The following AGTPBP1 variants were observed in gnomAD, a reference collection of about 807,000 sequenced individuals.
AGTPBP1 encodes ATP/GTP binding carboxypeptidase 1.
In AGTPBP1, 70 loss-of-function variants were observed where a neutral mutation model predicts 143.9. That is an observed-to-expected ratio of 0.49 (90% CI 0.40 to 0.59). AGTPBP1 has a LOEUF of 0.59. AGTPBP1 is among the 20% of genes least tolerant of loss of function. The pLI is 0.00. For synonymous variants in AGTPBP1, 463 were observed against 500.2 expected (o/e 0.93, Z 0.99); for missense variants, 1,229 against 1,464.5 (o/e 0.84, Z 2.62).
At chr9:85,795,991 A>C in the AGTPBP1 span, among the ~76,000 whole-genome samples, 2 of 151,374 alleles carry the variant, frequency 1.3e-5, no homozygotes, top group African/African-American at 4.9e-5. Flanking sequence ...GCTTGAATTA[A>C]ATTAGAGGAG....
rs1377182790 is a variant in AGTPBP1, at chr9:85,613,622, CT to C, written c.2335+5360del. Reference sequence around the variant, plus strand: ...CTCTGAAAAAGTCCAAAAGCACCCCCTCTCACCCAATTAAAGGGTACAGAAT... The same window carrying C: ...CTCTGAAAAAGTCCAAAAGCACCCCCCTCACCCAATTAAAGGGTACAGAAT... On this transcript the variant is annotated intron_variant, in intron 17 of 25. Transcript: ENST00000357081. 2.0e-5 allele frequency among the ~76,000 whole-genome samples: 3 copies of C among 152,026 alleles called. No individual in the cohort carries two copies. In the East Asian group the frequency reaches 5.8e-4, roughly 29 times the overall value.
At chr9:85,605,755 TTAAAGTA>T (rs947141008) in intron 17 of AGTPBP1, among the ~76,000 whole-genome samples, 5 of 151,996 alleles carry the variant, frequency 3.3e-5, no homozygotes, top group African/African-American at 1.2e-4. Context: ...AGGGATCAAA[TTAAAGTA>T]TAGAGTTTTT....
chr9:85,577,101 T>C (rs560822568), intron 24 of AGTPBP1, among the ~76,000 whole-genome samples: 3 of 152,226 alleles, frequency 2.0e-5, no homozygotes, highest in South Asian at 2.1e-4. Flanking sequence ...TTTATCAAAA[T>C]AGAAATCGAA....
the AGTPBP1 span, among the ~76,000 whole-genome samples, chr9:85,763,635 A>T: frequency 2.8e-3 from 433 of 152,002 alleles, no homozygotes; most frequent in Non-Finnish European, 3.3e-3. Context: ...ATGGAGGAGG[A>T]TGGGAAGTAG....
At chr9:85,660,309 C>A (rs1357766101) in intron 9 of AGTPBP1, among the ~76,000 whole-genome samples, 1 of 151,596 alleles carries the variant, frequency 6.6e-6, no homozygotes, top group Non-Finnish European at 1.5e-5. Context: ...CCCCTGAAGC[C>A]CCCCAAAAAA....
At chr9:85,643,860 T>C (rs376348989) in intron 12 of AGTPBP1, among the ~76,000 whole-genome samples, 2 of 152,302 alleles carry the variant, frequency 1.3e-5, no homozygotes, top group South Asian at 4.1e-4. Flanking sequence ...AAACTAATTA[T>C]TATCTTTGTT....
At chr9:85,776,543 C>A in the AGTPBP1 span, among the ~76,000 whole-genome samples, 2 of 152,178 alleles carry the variant, frequency 1.3e-5, 1 homozygote, top group South Asian at 4.1e-4. Flanking sequence ...CTAAGCGACA[C>A]CCTAATGGAT....
chr9:85,592,750 A>G lies in AGTPBP1; in HGVS notation c.2424-46T>C, dbSNP rs766597654. ...ACATGTTCATTTCATCCACATGAAAACTGATTTTCCTTGTTACTTTTATTA... is the reference window on the plus strand; with the variant it reads ...ACATGTTCATTTCATCCACATGAAAGCTGATTTTCCTTGTTACTTTTATTA... On this transcript the variant is annotated intron_variant, in intron 18 of 25. Coordinates refer to ENST00000357081, the MANE Select transcript of AGTPBP1 (RefSeq NM_001330701.2). 4 of 1,581,984 alleles carry G rather than the reference A, an allele frequency of 2.5e-6. No homozygotes were observed. The Admixed American group carries it at 7.6e-5, about 30-fold the overall frequency.
intron 14 of AGTPBP1, among the ~76,000 whole-genome samples, chr9:85,629,997 G>T (rs987870351): frequency 6.6e-6 from 1 of 152,160 alleles, no homozygotes; most frequent in African/African-American, 2.4e-5. Flanking sequence ...GCTAGTAAGA[G>T]AAAATACTTT....
intron 13 of AGTPBP1, among the ~76,000 whole-genome samples, chr9:85,639,534 A>G (rs1832329948): frequency 6.6e-6 from 1 of 152,248 alleles, no homozygotes; most frequent in Admixed American, 6.5e-5. Context: ...ATGAGGATCA[A>G]CTTCAAAAAC....
At chr9:85,742,916 A>G (rs1432048345), upstream of AGTPBP1, among the ~76,000 whole-genome samples, 4 of 152,150 alleles carry the variant, frequency 2.6e-5, no homozygotes, top group African/African-American at 7.2e-5. Flanking sequence ...GTTTTGTTTT[A>G]TGATCTTGTT....
At chr9:85,752,856 T>G in the AGTPBP1 span, among the ~76,000 whole-genome samples, 5 of 151,972 alleles carry the variant, frequency 3.3e-5, no homozygotes, top group Non-Finnish European at 1.5e-5. Flanking sequence ...TACAAAAAAT[T>G]TTTAAAAAAT....
At chr9:85,756,307 T>C in the AGTPBP1 span, 1 of 1,455,752 alleles carries the variant, frequency 6.9e-7, no homozygotes, top group South Asian at 1.6e-5. Flanking sequence ...CACTCCCCAC[T>C]AGGATGGCTA....
At chr9:85,667,901 T>G (rs1029516464) in intron 8 of AGTPBP1, among the ~76,000 whole-genome samples, 1 of 118,572 alleles carries the variant, frequency 8.4e-6, no homozygotes, top group African/African-American at 3.4e-5. Context: ...GCAAGCCAAC[T>G]GTAAAAAAAA....
At chr9:85,689,652 T>C (rs1835712007) in intron 3 of AGTPBP1, among the ~76,000 whole-genome samples, 1 of 151,852 alleles carries the variant, frequency 6.6e-6, no homozygotes, top group African/African-American at 2.4e-5. Context: ...CCCAGCACTG[T>C]GGGAGGCCGA....
intron 20 of AGTPBP1, 145 bp downstream of exon 20, chr9:85,589,383 G>T: frequency 9.6e-7 from 1 of 1,039,922 alleles, no homozygotes; most frequent in Non-Finnish European, 1.3e-6. Flanking sequence ...GTGGGCTCAT[G>T]GCTAGCTAGA....
At chr9:85,645,705 C>T (rs1832770889) in intron 12 of AGTPBP1, among the ~76,000 whole-genome samples, 1 of 152,054 alleles carries the variant, frequency 6.6e-6, no homozygotes, top group South Asian at 2.1e-4. Flanking sequence ...AAAAAAGAGA[C>T]CATTTTTCTA....
At chr9:85,562,840 C>T (rs1009605326) in intron 25 of AGTPBP1, among the ~76,000 whole-genome samples, 4 of 152,152 alleles carry the variant, frequency 2.6e-5, no homozygotes, top group African/African-American at 9.7e-5. Flanking sequence ...CATCCCAATT[C>T]ATATGTTGAA....
At chr9:85,801,373 A>G in the AGTPBP1 span, among the ~76,000 whole-genome samples, 5 of 152,234 alleles carry the variant, frequency 3.3e-5, no homozygotes, top group African/African-American at 1.2e-4. Context: ...TATGGGGTAT[A>G]TGAGATGTTC....
Sources: gnomAD v4.1 joint callset for allele counts (sites outside exome capture counted in the v4.1 genomes callset) on GRCh38, gnomAD v4.1.1 for gene constraint, MANE v1.5 for transcripts, NCBI Gene and HGNC (gene_info 2026-07-23, HGNC 2026-07-21) for gene names.